The following CCDC142 variants were observed in gnomAD, a reference collection of about 807,000 sequenced individuals.
CCDC142 encodes the protein coiled-coil domain-containing protein 142.
In CCDC142, 67 loss-of-function variants were observed where a neutral mutation model predicts 83.8. That is an observed-to-expected ratio of 0.80 (90% CI 0.66 to 0.98). The LOEUF is 0.98. CCDC142 is among the 50% of genes least tolerant of loss of function. CCDC142 has a pLI of 0.00. For synonymous variants in CCDC142, 421 were observed against 421.2 expected (o/e 1.00, Z 0.01); for missense variants, 905 against 946.8 (o/e 0.96, Z 0.58).
In CCDC142 at chr2:74,482,873, A is replaced by C; in HGVS notation, c.-36T>G. ...GTCCAGAACGAACCTAACGATTCCC[A>C]CTTCCCTGCACGGACCAACGCCCGC... On this transcript the variant is annotated 5_prime_UTR_variant, in exon 1 of 9. Transcript: ENST00000393965. The surrounding 1 kb of genome is among the most constrained non-coding windows in gnomAD (Gnocchi z 5.0). The C allele has an allele frequency of 6.4e-7, 1 of 1,572,620 alleles. No homozygotes were observed. The highest frequency in any genetic ancestry group is 8.6e-7 in the Non-Finnish European group (1 of 1,164,250).
rs1672237630 is a variant in CCDC142, at chr2:74,473,509, G to GA, written c.*1036_*1037insT. On this transcript the variant is annotated 3_prime_UTR_variant, in exon 9 of 9. Transcript: ENST00000393965. ...CTAATTTTTTGTATTTTTAGTAGAG[G>GA]CGGGGTTTCACCGCGTTAGCCAGGA... Among the ~76,000 whole-genome samples, 1 of 151,630 alleles carries GA rather than the reference G, an allele frequency of 6.6e-6. No homozygotes were observed. Among genetic ancestry groups the GA allele is most frequent in the South Asian group, 2.1e-4 (1 of 4,798 alleles).
At chr2:74,481,423 T>C (rs1672454232) in intron 2 of CCDC142, 29 bp downstream of exon 2, 7 of 1,614,098 alleles carry the variant, frequency 4.3e-6, no homozygotes, top group Non-Finnish European at 5.9e-6. Flanking sequence ...CTGGGACTTA[T>C]GTCACCCCCA....
Position 74,473,215 on chromosome 2 carries a change from G to A in CCDC142, c.*1331C>T, listed in dbSNP as rs1672229670. 5.8e-6 allele frequency: 1 copy of A among 172,150 alleles called. No individual in the cohort carries two copies. The highest frequency in any genetic ancestry group is 2.4e-5 in the African/African-American group (1 of 41,540). 10.7% of individuals were successfully genotyped at this position (172,150 alleles called of 1,614,324 possible). ...ATAGTAATAGGAAGGGCAGTACAGGGTAATACTGTCCTTGGGGCTGATCCA... is the reference window on the plus strand; with the variant it reads ...ATAGTAATAGGAAGGGCAGTACAGGATAATACTGTCCTTGGGGCTGATCCA... On this transcript the variant is annotated 3_prime_UTR_variant, in exon 9 of 9. Transcript: ENST00000393965.
intron 5 of CCDC142, among the ~76,000 whole-genome samples, chr2:74,479,697 G>A (rs1385844587): frequency 1.3e-5 from 2 of 152,128 alleles, no homozygotes; most frequent in South Asian, 2.1e-4. Context: ...GGGCTCAAAC[G>A]ATCCTCTTGC....
At position 74,482,659 on chromosome 2, in the gene CCDC142, G is replaced by A. The variant is rs1672568655; in HGVS notation, c.179C>T (p.Pro60Leu). The A allele has an allele frequency of 6.2e-7, 1 of 1,611,460 alleles. No individual in the cohort carries two copies. The highest frequency in any genetic ancestry group is 8.5e-7 in the Non-Finnish European group (1 of 1,179,930). The change falls in exon 1 of 9, where the codon CCG becomes CTG. Residue 60 changes from proline to leucine, a missense_variant. Pro to Leu is a moderately conservative substitution (Grantham distance 98, BLOSUM62 -3). This residue lies in a region of CCDC142 where 591 missense variants were observed against 571.4 expected (regional missense o/e 1.03). Transcript: ENST00000393965. The surrounding 1 kb of genome is among the most constrained non-coding windows in gnomAD (Gnocchi z 5.0). ...TSGGTPWWPT[P>L]ADVSEDYEAD... ...CTCGTAGTCCTCGCTCACATCCGCC[G>A]GCGTCGGCCACCACGGCGTCCCTCC...
chr2:74,475,016 C>T lies in CCDC142; in HGVS notation c.1896G>A (p.Leu632=), dbSNP rs758079267. The change falls in exon 8 of 9, where the codon CTG becomes CTA. Residue 632 remains leucine (L), a synonymous_variant. Coordinates refer to ENST00000393965, the MANE Select transcript of CCDC142 (RefSeq NM_001365575.2). The part of the protein sequence containing the change: ...WSLSPDLRQT[L]LMLSIFQQLD... The stretch of plus-strand genomic sequence containing the variant: ...GCTGCTGGAAGATGCTGAGCATGAG[C>T]AGGGTCTGGCGGAGATCAGGGGACA... The T allele has an allele frequency of 1.0e-4, 164 of 1,613,924 alleles. No homozygotes were observed. Among genetic ancestry groups the T allele is most frequent in the Non-Finnish European group, 1.3e-4 (155 of 1,179,960 alleles).
Position 74,481,808 on chromosome 2 carries a change from ATCAC to A in CCDC142, c.1021+5_1021+8del, listed in dbSNP as rs1558575143. ...CCTTCCCAAACGCCCACCCAAGCCCATCACTCACCCTGACCCAGTGCCTGACTCA... is the reference window on the plus strand; with the variant it reads ...CCTTCCCAAACGCCCACCCAAGCCCATCACCCTGACCCAGTGCCTGACTCA... On this transcript the variant is annotated splice_donor_5th_base_variant and intron_variant, in intron 1 of 8. Transcript: ENST00000393965. 4 of 1,601,206 alleles carry A rather than the reference ATCAC, an allele frequency of 2.5e-6. No homozygotes were observed. Among genetic ancestry groups the A allele is most frequent in the South Asian group, 1.1e-5 (1 of 90,162 alleles).
chr2:74,482,216 C>T lies in CCDC142; in HGVS notation c.622G>A (p.Ala208Thr). Reference protein sequence around the residue: ...LSSQLAELLFALPAYHTLQRK... With the variant: ...LSSQLAELLFTLPAYHTLQRK... Reference sequence around the variant, plus strand: ...TGTAGTGTGTGGTAGGCGGGAAGTGCAAAGAGCAGCTCGGCGAGTTGGGAC... The same window carrying T: ...TGTAGTGTGTGGTAGGCGGGAAGTGTAAAGAGCAGCTCGGCGAGTTGGGAC... Residue 208 changes from alanine (A) to threonine (T), a missense_variant, in exon 1 of 9, where the codon GCA becomes ACA. Physicochemically the swap from Ala to Thr is moderately conservative, Grantham distance 58. Around this residue, in one of 3 missense-constraint regions of CCDC142, gnomAD observed 591 missense variants for 571.4 expected, o/e 1.03. Coordinates refer to ENST00000393965, the MANE Select transcript of CCDC142 (RefSeq NM_001365575.2). This position sits in a 1 kb window ranked among gnomAD's most constrained non-coding sequence, Gnocchi z 5.0. The T allele has an allele frequency of 6.2e-7, 1 of 1,613,548 alleles. No individual in the cohort carries two copies. Among genetic ancestry groups the T allele is most frequent in the East Asian group, 2.2e-5 (1 of 44,882 alleles).
At position 74,474,444 on chromosome 2, in the gene CCDC142, A is replaced by T. The variant is rs905134659; in HGVS notation, c.*102T>A. 1 of 1,396,024 alleles carries T rather than the reference A, an allele frequency of 7.2e-7. No individual in the cohort carries two copies. Among genetic ancestry groups the T allele is most frequent in the African/African-American group, 1.4e-5 (1 of 69,462 alleles). The allele number at this position is 1,396,024 out of a possible 1,614,324, so 86.5% of individuals were successfully genotyped here. A position where few individuals can be genotyped will look rare whatever the true frequency, so the allele number is the denominator to read the frequency against. Reference sequence around the variant, plus strand: ...TTATTCTCCAGTATGCTTTCCTCCAAGCTTCCAGTTCTGGGCTTCCTTAAT... The same window carrying T: ...TTATTCTCCAGTATGCTTTCCTCCATGCTTCCAGTTCTGGGCTTCCTTAAT... On this transcript the variant is annotated 3_prime_UTR_variant, in exon 9 of 9. Coordinates refer to ENST00000393965, the MANE Select transcript of CCDC142 (RefSeq NM_001365575.2).
rs1475802839 is a variant in CCDC142, at chr2:74,482,244, C to T, written c.594G>A (p.Leu198=). 5 of 1,613,158 alleles carry T rather than the reference C, an allele frequency of 3.1e-6. No homozygotes were observed. The highest frequency in any genetic ancestry group is 1.3e-5 in the African/African-American group (1 of 74,944). ...ALGREPASPG[L]SSQLAELLFA... ...AGAGCAGCTCGGCGAGTTGGGACGA[C>T]AGGCCCGGGCTGGCGGGCTCCCGGC... Residue 198 remains leucine (L), a synonymous_variant, in exon 1 of 9, where the codon CTG becomes CTA. Coordinates refer to ENST00000393965, the MANE Select transcript of CCDC142 (RefSeq NM_001365575.2). This position sits in a 1 kb window ranked among gnomAD's most constrained non-coding sequence, Gnocchi z 5.0.
chr2:74,481,186 A>G, intron 3 of CCDC142, 37 bp downstream of exon 3: 1 of 1,613,362 alleles, frequency 6.2e-7, no homozygotes, highest in East Asian at 2.2e-5. Context: ...GATATCCTCA[A>G]CTGCTCTGTG....
Position 74,475,768 on chromosome 2 carries a change from T to C in CCDC142, c.1504-42A>G, listed in dbSNP as rs377240354. 1.1e-4 allele frequency: 139 copies of C among 1,236,364 alleles called. 1 individual carries two copies. The African/African-American group carries it at 1.6e-3, about 14-fold the overall frequency. The allele number at this position is 1,236,364 out of a possible 1,614,324, so 76.6% of individuals were successfully genotyped here. The stretch of plus-strand genomic sequence containing the variant: ...AAAGTAAAAGGGGCTTGTCAAATTA[T>C]GATGATCCTCTATATCTAAGGAGCT... On this transcript the variant is annotated intron_variant, in intron 5 of 8. Transcript: ENST00000393965.
chr2:74,482,914 G>C lies in CCDC142; in HGVS notation c.-77C>G. The C allele has an allele frequency of 6.4e-7, 1 of 1,565,060 alleles. No homozygotes were observed. Among genetic ancestry groups the C allele is most frequent in the African/African-American group, 1.3e-5 (1 of 74,284 alleles). On this transcript the variant is annotated 5_prime_UTR_variant, in exon 1 of 9. Coordinates refer to ENST00000393965, the MANE Select transcript of CCDC142 (RefSeq NM_001365575.2). This position sits in a 1 kb window ranked among gnomAD's most constrained non-coding sequence, Gnocchi z 5.0. Reference sequence around the variant, plus strand: ...CAACGCCCGCCGCAGCTCGGACTTCGCCCCATCGCAAGAGCCGTTTTCTCC... The same window carrying C: ...CAACGCCCGCCGCAGCTCGGACTTCCCCCCATCGCAAGAGCCGTTTTCTCC...
chr2:74,473,634 C>G lies in CCDC142; in HGVS notation c.*912G>C, dbSNP rs1311709531. Among the ~76,000 whole-genome samples, 1 of 151,984 alleles carries G rather than the reference C, an allele frequency of 6.6e-6. No individual in the cohort carries two copies. Among genetic ancestry groups the G allele is most frequent in the Non-Finnish European group, 1.5e-5 (1 of 67,970 alleles). ...GAGCCCCCTCACCTGGCCGAGCACT[C>G]AACTCTTTATCCCTGAGATATCTTC... On this transcript the variant is annotated 3_prime_UTR_variant, in exon 9 of 9. Coordinates refer to ENST00000393965, the MANE Select transcript of CCDC142 (RefSeq NM_001365575.2).
chr2:74,473,011 A>G lies in CCDC142; in HGVS notation c.*1535T>C. ...TTCTGTACCCTGCTGGGCCACATCTAGGCTAACTCGATCTTAAATCCTGGC... is the reference window on the plus strand; with the variant it reads ...TTCTGTACCCTGCTGGGCCACATCTGGGCTAACTCGATCTTAAATCCTGGC... On this transcript the variant is annotated 3_prime_UTR_variant, in exon 9 of 9. Transcript: ENST00000393965. The G allele has an allele frequency of 5.8e-6, 2 of 346,126 alleles. No individual in the cohort carries two copies. Among genetic ancestry groups the G allele is most frequent in the Non-Finnish European group, 5.4e-6 (1 of 184,752 alleles). 21.4% of individuals were successfully genotyped at this position (346,126 alleles called of 1,614,324 possible). A position where few individuals can be genotyped will look rare whatever the true frequency, so the allele number is the denominator to read the frequency against.
Position 74,482,460 on chromosome 2 carries a change from A to T in CCDC142, c.378T>A (p.Ser126Arg), listed in dbSNP as rs911989364. 6.4e-7 allele frequency: 1 copy of T among 1,551,412 alleles called. No individual in the cohort carries two copies. Residue 126 changes from serine (S) to arginine (R), a missense_variant, in exon 1 of 9, where the codon AGT becomes AGA. Ser to Arg is a moderately radical substitution (Grantham distance 110, BLOSUM62 -1). Coordinates refer to ENST00000393965, the MANE Select transcript of CCDC142 (RefSeq NM_001365575.2). The surrounding 1 kb of genome is among the most constrained non-coding windows in gnomAD (Gnocchi z 5.0). ...TAGGGCCGCCGGATGGCGAGCCAGG[A>T]CTCAGGGTCTTCATGAGTCGCACAG... ...QSAVRLMKTLSPGSPSGGPSP... is the reference protein window; with the variant it reads ...QSAVRLMKTLRPGSPSGGPSP...
At position 74,481,252 on chromosome 2, in the gene CCDC142, C is replaced by G; in HGVS notation, c.1229G>C (p.Arg410Thr). 6.2e-7 allele frequency: 1 copy of G among 1,614,152 alleles called. No homozygotes were observed. Among genetic ancestry groups the G allele is most frequent in the Non-Finnish European group, 8.5e-7 (1 of 1,180,018 alleles). Residue 410 changes from arginine (R) to threonine (T), a missense_variant, in exon 3 of 9, where the codon AGG (arginine) becomes ACG (threonine). By Grantham distance (71) the Arg-to-Thr change is moderately conservative. This residue lies in a region of CCDC142 where 591 missense variants were observed against 571.4 expected (regional missense o/e 1.03). Transcript: ENST00000393965. ...AGGCTGGCAGAAAATCCGTCGTAAC[C>G]TGGGCTCTCGAAGGGCATCCAAGAG... is the stretch of plus-strand genomic sequence containing the variant. ...PPLLDALREPRLRRIFCQPAD... is the reference protein window; with the variant it reads ...PPLLDALREPTLRRIFCQPAD...
rs58719599 is a variant in CCDC142 at position 74,476,044 on chromosome 2, A to AACACAC, written c.1504-324_1504-319dup. 7.5e-3 allele frequency among the ~76,000 whole-genome samples: 737 copies of AACACAC among 97,686 alleles called. 22 individuals are homozygous for AACACAC. Among genetic ancestry groups the AACACAC allele is most frequent in the African/African-American group, 0.018 (450 of 24,440 alleles). 64.1% of individuals were successfully genotyped at this position (97,686 alleles called of 152,430 possible). On this transcript the variant is annotated intron_variant, in intron 5 of 8. Transcript: ENST00000393965. Reference sequence around the variant, plus strand: ...AGACATACCCTGCCCCCACCCCCGCAACACACACACACACACACACACACA... The same window carrying AACACAC: ...AGACATACCCTGCCCCCACCCCCGCAACACACACACACACACACACACACACACACA...
rs1437055166 is a variant in CCDC142 at position 74,473,842 on chromosome 2, G to A, written c.*704C>T. 4 of 143,690 alleles carry A rather than the reference G, an allele frequency of 2.8e-5. No individual in the cohort carries two copies. The highest frequency in any genetic ancestry group is 2.1e-4 in the East Asian group (1 of 4,664). 8.9% of individuals were successfully genotyped at this position (143,690 alleles called of 1,614,324 possible). A position where few individuals can be genotyped will look rare whatever the true frequency, so the allele number is the denominator to read the frequency against. ...GGCTGGAGTGCAATGGCACAATCTC[G>A]GCTCTCCGCAACCTTCGCCTCCTAG... On this transcript the variant is annotated 3_prime_UTR_variant, in exon 9 of 9. Transcript: ENST00000393965.
Sources: allele counts gnomAD v4.1 joint callset (sites outside exome capture counted in the v4.1 genomes callset), GRCh38; gene constraint gnomAD v4.1.1; regional missense constraint gnomAD v4.1.1; non-coding constraint Gnocchi (gnomAD v3.1); transcripts MANE v1.5; gene names NCBI Gene and HGNC (gene_info 2026-07-23, HGNC 2026-07-21).